The following SERINC5 variants were observed in gnomAD, a reference collection of about 807,000 sequenced individuals.
The protein encoded by SERINC5 is chromosome 5 open reading frame 12.
Under a neutral mutation model 63.1 loss-of-function variants are expected in SERINC5, and 41 were observed. The observed-to-expected ratio is 0.65, with a 90% CI of 0.51 to 0.84. SERINC5 has a LOEUF of 0.84. SERINC5 is among the 40% of genes least tolerant of loss of function. SERINC5 has a pLI of 0.00. For missense variants in SERINC5, 523 were observed against 573.0 expected, an observed-to-expected ratio of 0.91 and a Z score of 0.89; for synonymous variants, 222 against 215.2, an observed-to-expected ratio of 1.03 and a Z score of -0.28.
chr5:80,190,268 A>G (rs1236132300), intron 2 of SERINC5, among the ~76,000 whole-genome samples: 1 of 151,680 alleles, frequency 6.6e-6, no homozygotes, highest in Admixed American at 6.6e-5. Context: ...GCACACCATG[A>G]CACCTGACTA....
chr5:80,206,851 G>A (rs1580168801), intron 1 of SERINC5, among the ~76,000 whole-genome samples: 1 of 121,588 alleles, frequency 8.2e-6, no homozygotes, highest in East Asian at 2.5e-4. Context: ...GTTTCATTGT[G>A]TTACACAGAC....
Position 80,140,911 on chromosome 5 carries a change from G to A in SERINC5, c.*2752C>T. 1 of 985,220 alleles carries A rather than the reference G, an allele frequency of 1.0e-6. No homozygotes were observed. The highest frequency in any genetic ancestry group is 4.7e-5 in the South Asian group (1 of 21,290). The allele number at this position is 985,220 out of a possible 1,614,324, so 61.0% of individuals were successfully genotyped here. On this transcript the variant is annotated 3_prime_UTR_variant, in exon 12 of 12. Coordinates refer to ENST00000507668, the MANE Select transcript of SERINC5 (RefSeq NM_001174072.3). ...TACTCTTTAGGTCATGTACAAAAAG[G>A]TGTAGGAAGCAAATGTCTATTATTT...
chr5:80,252,552 G>A (rs1752478041), intron 1 of SERINC5, among the ~76,000 whole-genome samples: 1 of 152,148 alleles, frequency 6.6e-6, no homozygotes, highest in Admixed American at 6.6e-5. Context: ...TTAGCCAACA[G>A]CCTAAGCAAA....
At chr5:80,117,770 G>A (rs531941289) in intron 11 of SERINC5, among the ~76,000 whole-genome samples, 2 of 151,842 alleles carry the variant, frequency 1.3e-5, no homozygotes, top group African/African-American at 4.9e-5. Context: ...AAGGATCTAG[G>A]GGGTGATCTA....
intron 1 of SERINC5, among the ~76,000 whole-genome samples, chr5:80,238,747 C>A (rs1249322033): frequency 2.0e-5 from 3 of 148,358 alleles, no homozygotes; most frequent in Non-Finnish European, 1.5e-5. Flanking sequence ...TGAGATCCTG[C>A]CACTACACTC....
chr5:80,196,512 G>A (rs4704630), intron 2 of SERINC5, among the ~76,000 whole-genome samples: 16,525 of 152,064 alleles, frequency 0.11, 2,052 homozygotes, highest in East Asian at 0.61. Context: ...ACACAATCCA[G>A]CAATTCTGCT....
At chr5:80,171,019 A>AT (rs1425017738) in intron 5 of SERINC5, among the ~76,000 whole-genome samples, 62 of 150,782 alleles carry the variant, frequency 4.1e-4, no homozygotes, top group African/African-American at 1.2e-3. Flanking sequence ...TTTTTATTTT[A>AT]TTTTTTTTTG....
At chr5:80,242,864 A>T (rs1242714829) in intron 1 of SERINC5, among the ~76,000 whole-genome samples, 3 of 152,216 alleles carry the variant, frequency 2.0e-5, no homozygotes, top group African/African-American at 7.2e-5. Flanking sequence ...CAGTGGTTGC[A>T]GTGAGCCAAG....
Position 80,166,260 on chromosome 5 carries a change from CTCTGGTAACCA to C in SERINC5, c.859+112_859+122del. 5.9e-6 allele frequency: 4 copies of C among 680,660 alleles called. No individual in the cohort carries two copies. The South Asian group carries it at 7.3e-5, about 12-fold the overall frequency. The allele number at this position is 680,660 out of a possible 1,614,324, so 42.2% of individuals were successfully genotyped here. A position where few individuals can be genotyped will look rare whatever the true frequency, so the allele number is the denominator to read the frequency against. ...AACCTCCTCCCAAACCCTTCCCAGC[CTCTGGTAACCA>C]TCTTTCTGCTCTCTATCTCCAAGGC... On this transcript the variant is annotated intron_variant, in intron 7 of 11. Coordinates refer to ENST00000507668, the MANE Select transcript of SERINC5 (RefSeq NM_001174072.3).
At chr5:80,233,324 G>A (rs570067013) in intron 1 of SERINC5, among the ~76,000 whole-genome samples, 2 of 68,446 alleles carry the variant, frequency 2.9e-5, no homozygotes, top group Admixed American at 1.6e-4. Flanking sequence ...CTACTCAGGA[G>A]GCTGAGACAG....
chr5:80,123,912 T>C (rs1414970967), intron 11 of SERINC5, among the ~76,000 whole-genome samples: 1 of 152,184 alleles, frequency 6.6e-6, no homozygotes, highest in African/African-American at 2.4e-5. Flanking sequence ...ACATCCTCCC[T>C]TTCCGAAAGC....
chr5:80,246,411 G>A (rs1187163928), intron 1 of SERINC5, among the ~76,000 whole-genome samples: 7 of 152,114 alleles, frequency 4.6e-5, no homozygotes, highest in South Asian at 4.1e-4. Context: ...TCCCATCTTC[G>A]CTAGTTATCT....
intron 1 of SERINC5, among the ~76,000 whole-genome samples, chr5:80,218,250 G>A (rs540091301): frequency 2.4e-4 from 37 of 152,280 alleles, no homozygotes; most frequent in African/African-American, 7.5e-4. Flanking sequence ...CCACAAAACC[G>A]GTGTTCCTGG....
intron 1 of SERINC5, among the ~76,000 whole-genome samples, chr5:80,218,689 A>T (rs1373982487): frequency 6.6e-6 from 1 of 151,306 alleles, no homozygotes; most frequent in Non-Finnish European, 1.5e-5. Context: ...AAAAAAAAAA[A>T]GTCTGGTGCT....
chr5:80,168,153 G>C (rs1297107460), intron 6 of SERINC5, among the ~76,000 whole-genome samples: 2 of 151,880 alleles, frequency 1.3e-5, no homozygotes, highest in Non-Finnish European at 2.9e-5. Context: ...TTTCAATAAT[G>C]GTCTTAAAAT....
intron 1 of SERINC5, among the ~76,000 whole-genome samples, chr5:80,222,097 G>A (rs1009155066): frequency 3.3e-5 from 5 of 152,070 alleles, no homozygotes; most frequent in African/African-American, 1.2e-4. Context: ...GCAGTGAGGT[G>A]TGATCGCACC....
chr5:80,130,122 A>G lies in SERINC5; in HGVS notation c.1238+15968T>C, dbSNP rs147969529. On this transcript the variant is annotated intron_variant, in intron 11 of 12. Coordinates refer to the SERINC5 transcript ENST00000509193. ...TAGCCGGACTTGGTGGCTCATGCCT[A>G]TAATCCCAGCACTTTGGGAGGCCAA... is the stretch of plus-strand genomic sequence containing the variant. 1.1e-3 allele frequency among the ~76,000 whole-genome samples: 164 copies of G among 152,262 alleles called. 2 individuals are homozygous for G. In the East Asian group the frequency reaches 0.029, roughly 27 times the overall value.
At chr5:80,238,286 C>A (rs926520928) in intron 1 of SERINC5, among the ~76,000 whole-genome samples, 2 of 151,968 alleles carry the variant, frequency 1.3e-5, no homozygotes, top group African/African-American at 2.4e-5. Flanking sequence ...TGGCTTCATA[C>A]CCCTTACTCA....
chr5:80,118,942 A>C (rs922508439), intron 11 of SERINC5, among the ~76,000 whole-genome samples: 1 of 151,808 alleles, frequency 6.6e-6, no homozygotes, highest in Non-Finnish European at 1.5e-5. Flanking sequence ...TCAGCATATA[A>C]ATTTTGGGGA....
Sources: allele counts gnomAD v4.1 joint callset (sites outside exome capture counted in the v4.1 genomes callset), GRCh38; gene constraint gnomAD v4.1.1; transcripts MANE v1.5; gene names NCBI Gene and HGNC (gene_info 2026-07-23, HGNC 2026-07-21).